Variants in ZFHX3 observed in about 807,000 individuals in gnomAD.
ZFHX3 encodes zinc finger homeobox 3, also known as zinc finger homeobox protein 3.
In ZFHX3, 42 loss-of-function variants were observed where a neutral mutation model predicts 279.1. That is an observed-to-expected ratio of 0.15 (90% CI 0.12 to 0.19). The LOEUF is 0.19. Among genes scored for constraint, ZFHX3 ranks in the 10% least tolerant of loss-of-function variants. The pLI, the probability that ZFHX3 is intolerant of heterozygous loss-of-function variation, is 1.00. For synonymous variants in ZFHX3, 2,293 were observed against 1,957.8 expected (o/e 1.17, Z -4.52); for missense variants, 4,981 against 4,754.0 (o/e 1.05, Z -1.40).
At chr16:72,987,021 G>A (rs974712554) in intron 1 of ZFHX3, among the ~76,000 whole-genome samples, 1 of 152,070 alleles carries the variant, frequency 6.6e-6, no homozygotes, top group Non-Finnish European at 1.5e-5. Flanking sequence ...GTGTGGTGGC[G>A]AGCACCTGTA....
intron 2 of ZFHX3, among the ~76,000 whole-genome samples, chr16:73,587,312 T>C (rs528006516): frequency 4.6e-5 from 7 of 152,216 alleles, no homozygotes; most frequent in East Asian, 1.9e-4. Context: ...AACTGAGATG[T>C]TTAGAGGTAT....
chr16:73,149,582 T>G (rs1314239630), intron 5 of ZFHX3, among the ~76,000 whole-genome samples: 1 of 152,176 alleles, frequency 6.6e-6, no homozygotes, highest in Non-Finnish European at 1.5e-5. Flanking sequence ...CACTTTGCGT[T>G]GGTGTTTATT....
chr16:72,984,563 C>G (rs1962759606), intron 1 of ZFHX3, among the ~76,000 whole-genome samples: 1 of 150,956 alleles, frequency 6.6e-6, no homozygotes, highest in East Asian at 1.9e-4. Flanking sequence ...GAGGTTGAGG[C>G]TGCAAGGAGC....
At chr16:73,603,459 G>A (rs1420998392) in intron 2 of ZFHX3, among the ~76,000 whole-genome samples, 2 of 151,908 alleles carry the variant, frequency 1.3e-5, no homozygotes, top group Non-Finnish European at 2.9e-5. Flanking sequence ...CAATAAGATG[G>A]GCAAAGATTA....
In ZFHX3 at chr16:72,957,858, T is replaced by TC. The variant is rs760959844; in HGVS notation, c.2287dup (p.Glu763GlyfsTer26). The TC allele has an allele frequency of 1.2e-6, 2 of 1,613,676 alleles. No individual in the cohort carries two copies. On this transcript the variant is annotated frameshift_variant, in exon 2 of 10. Transcript: ENST00000268489. LOFTEE classifies it high-confidence loss of function. ...CCCGGCAGTGTGGCTGAAGACCTGC[T>TC]CCCCCCCTCCATTCTGCAGGTTCTG...
intron 1 of ZFHX3, chr16:73,816,091 C>T (rs1394739888): frequency 6.6e-6 from 1 of 152,082 alleles, no homozygotes; most frequent in African/African-American, 2.4e-5. Flanking sequence ...ATCTAAGTAA[C>T]CAGCTAGCAC....
At chr16:73,259,279 T>C (rs2013749748) in intron 4 of ZFHX3, among the ~76,000 whole-genome samples, 1 of 152,196 alleles carries the variant, frequency 6.6e-6, no homozygotes, top group Non-Finnish European at 1.5e-5. Context: ...TCCAAAATGA[T>C]TGTACTAAAT....
chr16:73,186,874 G>A (rs1967922812), intron 5 of ZFHX3, among the ~76,000 whole-genome samples: 2 of 152,066 alleles, frequency 1.3e-5, no homozygotes, highest in South Asian at 4.1e-4. Flanking sequence ...CATTCTGTTG[G>A]TTCAATTAAG....
chr16:73,565,557 T>C (rs1411612208), intron 2 of ZFHX3, among the ~76,000 whole-genome samples: 2 of 152,214 alleles, frequency 1.3e-5, no homozygotes, highest in Non-Finnish European at 2.9e-5. Flanking sequence ...TTTACAAATG[T>C]TTTCACACAC....
intron 3 of ZFHX3, among the ~76,000 whole-genome samples, chr16:72,914,804 A>T (rs940392635): frequency 6.6e-6 from 1 of 151,596 alleles, no homozygotes; most frequent in Non-Finnish European, 1.5e-5. Flanking sequence ...AAGCTTGGCC[A>T]ATACGGTGAA....
chr16:73,657,283 C>A (rs2052731427), intron 2 of ZFHX3, among the ~76,000 whole-genome samples: 1 of 151,126 alleles, frequency 6.6e-6, no homozygotes, highest in Admixed American at 6.6e-5. Flanking sequence ...ACGGCAAAAC[C>A]CTGTCTCTAC....
chr16:73,842,253 A>G (rs929676629), intron 1 of ZFHX3, among the ~76,000 whole-genome samples: 1 of 151,958 alleles, frequency 6.6e-6, no homozygotes, highest in Non-Finnish European at 1.5e-5. Flanking sequence ...AAAGAGAAAC[A>G]ATGATTGCAA....
chr16:73,179,640 T>TGCTCAACTCAGAGACACTAAAA (rs1398943613), intron 5 of ZFHX3, among the ~76,000 whole-genome samples: 3 of 152,090 alleles, frequency 2.0e-5, no homozygotes, highest in Non-Finnish European at 4.4e-5. Flanking sequence ...AGGGTCTCCC[T>TGCTCAACTCAGAGACACTAAAA]GCTCAACTCA....
chr16:73,533,067 CT>C (rs1412597358), intron 2 of ZFHX3, among the ~76,000 whole-genome samples: 2 of 152,156 alleles, frequency 1.3e-5, no homozygotes, highest in African/African-American at 4.8e-5. Context: ...AATGCACCAC[CT>C]CATGATCAAG....
chr16:72,981,106 G>A lies in ZFHX3; in HGVS notation c.-49-20912C>T, dbSNP rs139426618. Among the ~76,000 whole-genome samples the A allele has an allele frequency of 8.7e-3, 1,322 of 152,216 alleles. 15 individuals carry two copies. Among genetic ancestry groups the A allele is most frequent in the African/African-American group, 0.029 (1,193 of 41,526 alleles). On this transcript the variant is annotated intron_variant, in intron 1 of 9. Coordinates refer to ENST00000268489, the MANE Select transcript of ZFHX3 (RefSeq NM_006885.4). Reference sequence around the variant, plus strand: ...ATGTGGGTTTCTCCTTTCTTCCGAAGGGCTTTCCTCCCAGGCCGGGCCCCA... The same window carrying A: ...ATGTGGGTTTCTCCTTTCTTCCGAAAGGCTTTCCTCCCAGGCCGGGCCCCA...
chr16:73,620,835 G>A (rs933764932), intron 2 of ZFHX3, among the ~76,000 whole-genome samples: 5 of 152,226 alleles, frequency 3.3e-5, no homozygotes, highest in African/African-American at 1.2e-4. Context: ...TTCAAAGTTA[G>A]TAGATGCACG....
At chr16:73,013,332 G>A (rs1597090994) in intron 1 of ZFHX3, among the ~76,000 whole-genome samples, 1 of 152,134 alleles carries the variant, frequency 6.6e-6, no homozygotes, top group African/African-American at 2.4e-5. Flanking sequence ...CTGTCGCCCA[G>A]GTTGGAGTGC....
chr16:73,343,371 C>G (rs542333340), intron 3 of ZFHX3, among the ~76,000 whole-genome samples: 129 of 152,276 alleles, frequency 8.5e-4, no homozygotes, highest in Non-Finnish European at 1.3e-3. Flanking sequence ...TGAATTCCAG[C>G]TCAGGTAAGT....
At chr16:73,291,567 CCT>C (rs1342064382) in intron 4 of ZFHX3, among the ~76,000 whole-genome samples, 1 of 152,136 alleles carries the variant, frequency 6.6e-6, no homozygotes, top group Admixed American at 6.5e-5. Flanking sequence ...TCTGCTCACC[CCT>C]GATTAGAAAG....
Sources: allele counts gnomAD v4.1 joint callset (sites outside exome capture counted in the v4.1 genomes callset), GRCh38; gene constraint gnomAD v4.1.1; transcripts MANE v1.5; gene names NCBI Gene and HGNC (gene_info 2026-07-23, HGNC 2026-07-21).